Variants in ABCC4 observed in about 807,000 individuals in gnomAD.
ABCC4 encodes the protein ATP-binding cassette sub-family C member 4.
ABCC4 carries 102 observed loss-of-function variants against 168.5 expected under a neutral mutation model. The observed-to-expected ratio is 0.61, with a 90% CI of 0.52 to 0.71. The LOEUF (loss-of-function observed/expected upper bound fraction) is 0.71, where lower values mean the gene tolerates loss of function less well. ABCC4 is among the 30% of genes least tolerant of loss of function. The probability of loss-of-function intolerance (pLI) is 0.00; values close to 1 mark genes in which losing one functional copy is unlikely to be tolerated. For missense variants in ABCC4, 1,402 were observed against 1,605.8 expected (o/e 0.87, Z 2.17); for synonymous variants, 617 against 590.7 (o/e 1.04, Z -0.65).
At chr13:95,196,714 A>G (rs1253902110) in intron 8 of ABCC4, among the ~76,000 whole-genome samples, 1 of 99,946 alleles carries the variant, frequency 1.0e-5, no homozygotes, top group East Asian at 2.4e-4. Context: ...GGAAGGAAGG[A>G]AGGAAGGAAG....
intron 1 of ABCC4, among the ~76,000 whole-genome samples, chr13:95,267,137 C>A (rs550208057): frequency 2.8e-4 from 43 of 152,228 alleles, no homozygotes; most frequent in African/African-American, 9.9e-4. Context: ...CCACCTCGGC[C>A]TCCCAAAGTG....
intron 19 of ABCC4, among the ~76,000 whole-genome samples, chr13:95,136,671 A>G (rs755483103): frequency 5.3e-5 from 8 of 152,216 alleles, no homozygotes; most frequent in Non-Finnish European, 8.8e-5. Flanking sequence ...AAGACAGGAA[A>G]TTCCACAGCC....
At chr13:95,224,709 T>A (rs1049092264) in intron 4 of ABCC4, among the ~76,000 whole-genome samples, 10 of 150,720 alleles carry the variant, frequency 6.6e-5, no homozygotes, top group African/African-American at 2.2e-4. Context: ...TGCACTCCAG[T>A]CTGGGTGACA....
chr13:95,089,919 T>C (rs1378043303), intron 20 of ABCC4, among the ~76,000 whole-genome samples: 1 of 149,676 alleles, frequency 6.7e-6, no homozygotes, highest in African/African-American at 2.4e-5. Context: ...GGTGGGATCA[T>C]GGCAGACGAG....
At chr13:95,178,353 T>G (rs1224965758) in intron 11 of ABCC4, among the ~76,000 whole-genome samples, 1 of 152,206 alleles carries the variant, frequency 6.6e-6, no homozygotes. Flanking sequence ...TTAACAGAAA[T>G]TTTTTGAGCA....
chr13:95,098,872 T>C (rs2034699607), intron 20 of ABCC4, among the ~76,000 whole-genome samples: 1 of 152,182 alleles, frequency 6.6e-6, no homozygotes, highest in South Asian at 2.1e-4. Flanking sequence ...AGATTGATCA[T>C]ACTAAATGTT....
At chr13:95,071,893 G>A (rs758606196) in intron 24 of ABCC4, 40 bp from the exon 25 acceptor site, 14 of 1,370,784 alleles carry the variant, frequency 1.0e-5, no homozygotes, top group Non-Finnish European at 1.3e-5. Context: ...AGGAATGGAG[G>A]GTGTCATTTA....
At chr13:95,182,607 G>A (rs1231624188) in intron 11 of ABCC4, among the ~76,000 whole-genome samples, 1 of 152,158 alleles carries the variant, frequency 6.6e-6, no homozygotes, top group African/African-American at 2.4e-5. Context: ...CCTGTTATGT[G>A]CCTAGTAATC....
At chr13:95,194,241 C>T (rs1472985508) in intron 9 of ABCC4, among the ~76,000 whole-genome samples, 1 of 152,230 alleles carries the variant, frequency 6.6e-6, no homozygotes, top group African/African-American at 2.4e-5. Context: ...TGTCCACTTA[C>T]CACACGGTGA....
At chr13:95,268,410 ACCTGACCGTACC>A (rs968780564) in intron 1 of ABCC4, among the ~76,000 whole-genome samples, 1 of 152,036 alleles carries the variant, frequency 6.6e-6, no homozygotes, top group African/African-American at 2.4e-5. Context: ...GAAGGGAAAG[ACCTGACCGTACC>A]CCTGCCCAAC....
At chr13:95,056,682 T>TA (rs1566377343) in intron 26 of ABCC4, among the ~76,000 whole-genome samples, 2 of 143,252 alleles carry the variant, frequency 1.4e-5, no homozygotes, top group Non-Finnish European at 3.1e-5. Context: ...AATCAGGTAA[T>TA]AAAAAAAGAA....
intron 26 of ABCC4, among the ~76,000 whole-genome samples, chr13:95,054,985 C>T (rs1472826151): frequency 6.6e-6 from 1 of 152,106 alleles, no homozygotes. Context: ...AAAATGGAAA[C>T]GACGGTAAAA....
chr13:95,146,377 A>G (rs1413546918), intron 19 of ABCC4, among the ~76,000 whole-genome samples: 9 of 152,182 alleles, frequency 5.9e-5, no homozygotes, highest in Admixed American at 5.9e-4. Flanking sequence ...TCATGTAACA[A>G]ACCTGCATAT....
intron 19 of ABCC4, among the ~76,000 whole-genome samples, chr13:95,160,727 G>A (rs1229976836): frequency 6.6e-6 from 1 of 152,112 alleles, no homozygotes; most frequent in Non-Finnish European, 1.5e-5. Context: ...AGAAATGAAC[G>A]GGTTTCCCAA....
intron 21 of ABCC4, 149 bp downstream of exon 21, chr13:95,082,991 A>G: frequency 1.1e-6 from 1 of 886,050 alleles, no homozygotes; most frequent in Non-Finnish European, 1.7e-6. Context: ...AAGGGACACA[A>G]TGATTCATAA....
At chr13:95,111,858 T>C (rs1481281451) in intron 20 of ABCC4, among the ~76,000 whole-genome samples, 4 of 152,186 alleles carry the variant, frequency 2.6e-5, no homozygotes, top group Non-Finnish European at 5.9e-5. Context: ...GACTTGCTTC[T>C]ACAGAGCCTA....
intron 29 of ABCC4, among the ~76,000 whole-genome samples, chr13:95,038,508 G>A (rs1350351297): frequency 1.3e-5 from 2 of 152,084 alleles, no homozygotes; most frequent in African/African-American, 4.8e-5. Context: ...GAGCTTCAGG[G>A]AGGAGAAAAT....
chr13:95,170,479 A>T (rs904103307), intron 14 of ABCC4, 53 bp downstream of exon 14: 13 of 1,074,678 alleles, frequency 1.2e-5, no homozygotes, highest in Non-Finnish European at 1.5e-5. Flanking sequence ...GAAGAAGGGG[A>T]TTCAACACAC....
At chr13:95,118,815 G>A (rs1423148795) in intron 19 of ABCC4, among the ~76,000 whole-genome samples, 3 of 152,156 alleles carry the variant, frequency 2.0e-5, no homozygotes, top group African/African-American at 4.8e-5. Flanking sequence ...ACATTAAACC[G>A]AATCTTGCCT....
Sources: gnomAD v4.1 joint callset for allele counts (sites outside exome capture counted in the v4.1 genomes callset) on GRCh38, gnomAD v4.1.1 for gene constraint, MANE v1.5 for transcripts, NCBI Gene and HGNC (gene_info 2026-07-23, HGNC 2026-07-21) for gene names.